The following MTBP variants were observed in gnomAD, a reference collection of about 807,000 sequenced individuals.
MTBP encodes the protein MDM2 binding protein.
MTBP carries 101 observed loss-of-function variants against 117.0 expected under a neutral mutation model. The observed-to-expected ratio is 0.86, with a 90% CI of 0.73 to 1.02. The LOEUF (loss-of-function observed/expected upper bound fraction) is 1.02, where lower values mean the gene tolerates loss of function less well. MTBP is among the 50% of genes least tolerant of loss of function. MTBP has a pLI of 0.00. For missense variants in MTBP, 970 were observed against 1,030.9 expected, an observed-to-expected ratio of 0.94 and a Z score of 0.81; for synonymous variants, 350 against 351.5, an observed-to-expected ratio of 1.00 and a Z score of 0.05.
chr8:120,516,279 G>T, intron 18 of MTBP, 88 bp downstream of exon 18: 1 of 1,175,842 alleles, frequency 8.5e-7, no homozygotes, highest in Non-Finnish European at 1.2e-6. Context: ...TAGTCTTTCA[G>T]GTTAATTTCT....
At chr8:120,522,507 A>C (rs1293425304) in intron 20 of MTBP, 147 bp from the exon 21 acceptor site, 4 of 552,950 alleles carry the variant, frequency 7.2e-6, no homozygotes, top group Non-Finnish European at 1.3e-5. Context: ...TCTAGTACTT[A>C]GATTTTTTTT....
At chr8:120,518,846 A>G in intron 20 of MTBP, 29 bp downstream of exon 20, 1 of 1,455,096 alleles carries the variant, frequency 6.9e-7, no homozygotes, top group Non-Finnish European at 9.5e-7. Flanking sequence ...TAATGGCAAA[A>G]TTTAGTTCAT....
At chr8:120,501,893 T>A (rs879670025) in intron 14 of MTBP, among the ~76,000 whole-genome samples, 1 of 152,170 alleles carries the variant, frequency 6.6e-6, no homozygotes, top group Non-Finnish European at 1.5e-5. Flanking sequence ...TGCAGTGTAT[T>A]ATCTAGAAAG....
intron 2 of MTBP, among the ~76,000 whole-genome samples, chr8:120,450,717 T>C (rs1395052368): frequency 2.0e-5 from 3 of 152,176 alleles, no homozygotes; most frequent in African/African-American, 7.2e-5. Context: ...TTATGGTTGA[T>C]TGTAATCTGT....
chr8:120,498,611 C>T (rs939390058), intron 14 of MTBP, among the ~76,000 whole-genome samples: 1 of 152,126 alleles, frequency 6.6e-6, no homozygotes, highest in African/African-American at 2.4e-5. Flanking sequence ...TCCTAAATTG[C>T]TTAGGCAGTT....
intron 13 of MTBP, among the ~76,000 whole-genome samples, chr8:120,492,900 T>C (rs1814376542): frequency 6.6e-6 from 1 of 152,174 alleles, no homozygotes. Context: ...TATGACTTTT[T>C]GTATTTGGAA....
At chr8:120,514,588 A>G (rs993845160) in intron 17 of MTBP, among the ~76,000 whole-genome samples, 1 of 152,096 alleles carries the variant, frequency 6.6e-6, no homozygotes, top group African/African-American at 2.4e-5. Context: ...CTTACACTTT[A>G]CATAGAGATA....
chr8:120,489,495 G>T (rs572665759), intron 12 of MTBP, among the ~76,000 whole-genome samples: 16 of 152,094 alleles, frequency 1.1e-4, no homozygotes, highest in Non-Finnish European at 2.2e-4. Context: ...CTTAAGGGAG[G>T]ACTGCCACAG....
chr8:120,497,355 A>G, intron 13 of MTBP, 38 bp from the exon 14 acceptor site: 1 of 1,546,344 alleles, frequency 6.5e-7, no homozygotes, highest in South Asian at 1.3e-5. Context: ...AGCTCCAGAG[A>G]ATACAAAATA....
At chr8:120,483,186 A>G (rs1814131383) in intron 11 of MTBP, among the ~76,000 whole-genome samples, 1 of 152,004 alleles carries the variant, frequency 6.6e-6, no homozygotes. Context: ...ATATAAAGTA[A>G]TTAGATTTAT....
chr8:120,485,793 G>T (rs557431910), intron 11 of MTBP, among the ~76,000 whole-genome samples: 1 of 152,038 alleles, frequency 6.6e-6, no homozygotes, highest in Admixed American at 6.6e-5. Flanking sequence ...TCTTGTTTGC[G>T]TATTTATTTG....
intron 17 of MTBP, among the ~76,000 whole-genome samples, chr8:120,515,194 G>GT (rs1317718537): frequency 1.3e-5 from 2 of 151,920 alleles, no homozygotes; most frequent in African/African-American, 2.4e-5. Flanking sequence ...AGCCATTTGT[G>GT]TTTTTTTAAT....
In MTBP at chr8:120,463,706, G is replaced by T. The variant is rs780801904; in HGVS notation, c.992G>T (p.Ser331Ile). 1.2e-6 allele frequency: 2 copies of T among 1,611,144 alleles called. No homozygotes were observed. The highest frequency in any genetic ancestry group is 4.5e-5 in the East Asian group (2 of 44,728). The change falls in exon 10 of 22, where the codon AGT becomes ATT. Residue 331 changes from serine to isoleucine, a missense_variant. Ser to Ile is a moderately radical substitution (Grantham distance 142). Transcript: ENST00000305949. ...CCTTAGTACAGAGGATTGACAAACAGTACCAAACAGAATTCTGTGTTGCTG... is the reference window on the plus strand; with the variant it reads ...CCTTAGTACAGAGGATTGACAAACATTACCAAACAGAATTCTGTGTTGCTG... ...DIEFELGLTN[S>I]TKQNSVLLLE...
intron 7 of MTBP, among the ~76,000 whole-genome samples, chr8:120,457,554 A>C (rs537394853): frequency 6.6e-6 from 1 of 152,110 alleles, no homozygotes; most frequent in Non-Finnish European, 1.5e-5. Flanking sequence ...GTTGATTTGC[A>C]TGTTTGCTCA....
chr8:120,449,180 GT>G lies in MTBP; in HGVS notation c.200-1822del, dbSNP rs538912726. Among the ~76,000 whole-genome samples, 616 of 152,212 alleles carry G rather than the reference GT, an allele frequency of 4.0e-3. 4 individuals are homozygous for G. Among genetic ancestry groups the G allele is most frequent in the African/African-American group, 0.014 (593 of 41,534 alleles). On this transcript the variant is annotated intron_variant, in intron 2 of 21. Transcript: ENST00000305949. ...GATAGATCTGAAGGAAATTATGGGG[GT>G]AGAATTCACCTACCTTAGCGTTGAA...
chr8:120,518,974 T>C (rs902693114), intron 20 of MTBP, among the ~76,000 whole-genome samples, 157 bp downstream of exon 20: 9 of 152,090 alleles, frequency 5.9e-5, no homozygotes, highest in African/African-American at 1.7e-4. Context: ...CAAAATACTT[T>C]ATATTTGATT....
At chr8:120,457,695 C>T (rs546629580) in intron 7 of MTBP, among the ~76,000 whole-genome samples, 75 of 152,112 alleles carry the variant, frequency 4.9e-4, no homozygotes, top group African/African-American at 1.6e-3. Flanking sequence ...GAGGCCAAGG[C>T]GGGCAGATCA....
At position 120,497,384 on chromosome 8, in the gene MTBP, G is replaced by T. The variant is rs1814489089; in HGVS notation, c.1448-9G>T. Reference sequence around the variant, plus strand: ...CAAAATAAGTCAATTGTATTGATTTGTCTTATAGAAAGACGAAAGTTGGCA... The same window carrying T: ...CAAAATAAGTCAATTGTATTGATTTTTCTTATAGAAAGACGAAAGTTGGCA... On this transcript the variant is annotated splice_polypyrimidine_tract_variant and intron_variant, in intron 13 of 21. Coordinates refer to ENST00000305949, the MANE Select transcript of MTBP (RefSeq NM_022045.5). 1 of 1,599,534 alleles carries T rather than the reference G, an allele frequency of 6.3e-7. No homozygotes were observed. Among genetic ancestry groups the T allele is most frequent in the African/African-American group, 1.3e-5 (1 of 74,174 alleles).
intron 11 of MTBP, among the ~76,000 whole-genome samples, chr8:120,482,802 C>A (rs1262016059): frequency 1.3e-5 from 2 of 151,598 alleles, no homozygotes; most frequent in Non-Finnish European, 2.9e-5. Context: ...TGGGTTCAAG[C>A]GATTCTCCTG....
Sources: gnomAD v4.1 joint callset for allele counts (sites outside exome capture counted in the v4.1 genomes callset) on GRCh38, gnomAD v4.1.1 for gene constraint, MANE v1.5 for transcripts, NCBI Gene and HGNC (gene_info 2026-07-23, HGNC 2026-07-21) for gene names.